METTL15: variants seen among roughly 807,000 people sequenced by gnomAD.
The protein encoded by METTL15 is methyltransferase 15, mitochondrial 12S rRNA N4-cytidine.
METTL15 carries 34 observed loss-of-function variants against 38.3 expected under a neutral mutation model. That is an observed-to-expected ratio of 0.89 (90% CI 0.68 to 1.18). The LOEUF (loss-of-function observed/expected upper bound fraction) is 1.18, where lower values mean the gene tolerates loss of function less well. Among genes scored for constraint, METTL15 ranks in the 50% most tolerant of loss-of-function variants. METTL15 has a pLI of 0.00. For missense variants in METTL15, 438 were observed against 498.4 expected, an observed-to-expected ratio of 0.88 and a Z score of 1.15; for synonymous variants, 162 against 170.9, an observed-to-expected ratio of 0.95 and a Z score of 0.41.
intron 4 of METTL15, among the ~76,000 whole-genome samples, chr11:28,281,932 G>A (rs1856071108): frequency 6.6e-6 from 1 of 152,120 alleles, no homozygotes; most frequent in Admixed American, 6.5e-5. Context: ...TTTTAAAAGG[G>A]TTACTGAGTG....
chr11:28,410,077 AG>A (rs1168255740), intron 5 of METTL15, among the ~76,000 whole-genome samples: 2 of 152,182 alleles, frequency 1.3e-5, no homozygotes, highest in Non-Finnish European at 2.9e-5. Flanking sequence ...AGAAATAGAA[AG>A]CTTGAACATA....
chr11:28,375,840 G>A (rs879088420), intron 5 of METTL15, among the ~76,000 whole-genome samples: 1 of 151,570 alleles, frequency 6.6e-6, no homozygotes, highest in Non-Finnish European at 1.5e-5. Flanking sequence ...TGCTTTGAAT[G>A]CGTCCCAGAG....
chr11:28,322,630 C>T (rs1352090148), intron 6 of METTL15, among the ~76,000 whole-genome samples: 2 of 152,014 alleles, frequency 1.3e-5, no homozygotes, highest in Non-Finnish European at 2.9e-5. Context: ...GTGGACATAA[C>T]TACCCTTTGA....
intron 3 of METTL15, among the ~76,000 whole-genome samples, chr11:28,203,403 C>T (rs1460720752): frequency 6.6e-6 from 1 of 152,000 alleles, no homozygotes; most frequent in Admixed American, 6.6e-5. Flanking sequence ...GTTGGTAGAA[C>T]ACTGGTTGTT....
At chr11:28,200,718 G>T (rs1852080284) in intron 3 of METTL15, among the ~76,000 whole-genome samples, 1 of 152,030 alleles carries the variant, frequency 6.6e-6, no homozygotes, top group Non-Finnish European at 1.5e-5. Flanking sequence ...CTTGTCTGTT[G>T]TTGGTGTAAA....
chr11:28,416,726 C>T (rs1449722680), intron 5 of METTL15, among the ~76,000 whole-genome samples: 1 of 152,204 alleles, frequency 6.6e-6, no homozygotes, highest in Non-Finnish European at 1.5e-5. Context: ...TCAAACTTTG[C>T]TCCCAGCTGC....
At chr11:28,350,773 C>G (rs1850034233) in intron 3 of METTL15, among the ~76,000 whole-genome samples, 1 of 152,124 alleles carries the variant, frequency 6.6e-6, no homozygotes, top group Non-Finnish European at 1.5e-5. Flanking sequence ...CACTATAAGA[C>G]AAAAATCTCT....
chr11:28,523,381 C>T (rs1851783711), intron 6 of METTL15, among the ~76,000 whole-genome samples: 1 of 152,098 alleles, frequency 6.6e-6, no homozygotes, highest in Non-Finnish European at 1.5e-5. Context: ...ATTCTTTTTG[C>T]TTTGACTTGA....
chr11:28,486,037 A>T (rs986930330), intron 6 of METTL15, among the ~76,000 whole-genome samples: 2 of 152,214 alleles, frequency 1.3e-5, no homozygotes, highest in Non-Finnish European at 2.9e-5. Flanking sequence ...ATATAGACAC[A>T]TTAGGGTTAG....
At chr11:28,399,995 A>G (rs7931194) in intron 5 of METTL15, among the ~76,000 whole-genome samples, 64,169 of 151,734 alleles carry the variant, frequency 0.42, 14,967 homozygotes, top group Admixed American at 0.54. Context: ...CTTTTAAGAT[A>G]ATAAGACTTT....
At chr11:28,434,719 C>A (rs1344948492) in intron 6 of METTL15, among the ~76,000 whole-genome samples, 1 of 152,216 alleles carries the variant, frequency 6.6e-6, no homozygotes, top group Non-Finnish European at 1.5e-5. Context: ...GGTCTACTGT[C>A]TGGCTGAAAG....
chr11:28,191,617 T>C (rs924401223), intron 3 of METTL15, among the ~76,000 whole-genome samples: 2 of 151,624 alleles, frequency 1.3e-5, no homozygotes, highest in African/African-American at 4.8e-5. Context: ...TAATCTAGTG[T>C]CTAATTATGA....
chr11:28,439,691 G>A lies in METTL15; in HGVS notation c.*424+15327G>A, dbSNP rs115484093. 1.7e-3 allele frequency among the ~76,000 whole-genome samples: 261 copies of A among 152,260 alleles called. 3 individuals are homozygous for A. Among genetic ancestry groups the A allele is most frequent in the African/African-American group, 5.6e-3 (231 of 41,540 alleles). On this transcript the variant is annotated intron_variant and NMD_transcript_variant, in intron 6 of 7. Transcript: ENST00000532947. ...GAGTCACTGGAGATGTGTTGTATAA[G>A]CCCTGTTAAGTTTGATCTCTTTTAC... is the stretch of plus-strand genomic sequence containing the variant.
chr11:28,211,306 GTAAATATTTTCT>G, intron 4 of METTL15, 108 bp downstream of exon 4: 10 of 972,972 alleles, frequency 1.0e-5, no homozygotes, highest in Non-Finnish European at 1.4e-5. Context: ...TTTTACTCCA[GTAAATATTTTCT>G]TCTTTTTTCC....
intron 6 of METTL15, among the ~76,000 whole-genome samples, chr11:28,439,357 G>A (rs1259336416): frequency 6.6e-6 from 1 of 152,138 alleles, no homozygotes; most frequent in African/African-American, 2.4e-5. Flanking sequence ...ATAAACGCTC[G>A]CTATGCTGAG....
chr11:28,332,679 C>T lies in METTL15; in HGVS notation c.*1838C>T, dbSNP rs1849848239. 1 of 150,786 alleles carries T rather than the reference C, an allele frequency of 6.6e-6. No individual in the cohort carries two copies. Among genetic ancestry groups the T allele is most frequent in the South Asian group, 2.1e-4 (1 of 4,780 alleles). The allele number at this position is 150,786 out of a possible 1,614,324, so 9.3% of individuals were successfully genotyped here. A position where few individuals can be genotyped will look rare whatever the true frequency, so the allele number is the denominator to read the frequency against. Reference sequence around the variant, plus strand: ...TCCTTATAAGAGAAGATAGGGCGGGCATGGTGGCTCACGCCTGTAATCCCA... The same window carrying T: ...TCCTTATAAGAGAAGATAGGGCGGGTATGGTGGCTCACGCCTGTAATCCCA... On this transcript the variant is annotated 3_prime_UTR_variant, in exon 7 of 7. Coordinates refer to ENST00000407364, the MANE Select transcript of METTL15 (RefSeq NM_001113528.2).
intron 6 of METTL15, among the ~76,000 whole-genome samples, chr11:28,329,947 T>C (rs1205080646): frequency 2.6e-5 from 4 of 152,188 alleles, no homozygotes; most frequent in African/African-American, 9.7e-5. Context: ...AATATTTTTG[T>C]TCTTCTTTAT....
intron 5 of METTL15, among the ~76,000 whole-genome samples, chr11:28,393,311 G>A (rs575179135): frequency 6.6e-6 from 1 of 152,220 alleles, no homozygotes; most frequent in East Asian, 1.9e-4. Context: ...TAAAGAAAAT[G>A]TGGTATATAC....
At chr11:28,335,904 A>G (rs1199852785), downstream of METTL15, among the ~76,000 whole-genome samples, 1 of 152,226 alleles carries the variant, frequency 6.6e-6, no homozygotes, top group Non-Finnish European at 1.5e-5. Context: ...TGTTCTTTAT[A>G]GAATTAAAAA....
Sources: allele counts gnomAD v4.1 joint callset (sites outside exome capture counted in the v4.1 genomes callset), GRCh38; gene constraint gnomAD v4.1.1; transcripts MANE v1.5; gene names NCBI Gene and HGNC (gene_info 2026-07-23, HGNC 2026-07-21).